The following CERT1 variants were observed in gnomAD, a reference collection of about 807,000 sequenced individuals.
CERT1 encodes the protein ceramide transfer protein.
In CERT1, 31 loss-of-function variants were observed where a neutral mutation model predicts 87.9. The observed-to-expected ratio is 0.35, with a 90% confidence interval of 0.27 to 0.48. The LOEUF (loss-of-function observed/expected upper bound fraction) is 0.48. Among genes scored for constraint, CERT1 ranks in the 20% least tolerant of loss-of-function variants. CERT1 has a pLI of 0.99. For missense variants in CERT1, 487 were observed against 758.0 expected (o/e 0.64, Z 4.20); for synonymous variants, 289 against 250.9 (o/e 1.15, Z -1.44).
intron 3 of CERT1, among the ~76,000 whole-genome samples, chr5:75,437,297 T>C (rs983582198): frequency 2.6e-5 from 4 of 152,204 alleles, no homozygotes; most frequent in African/African-American, 4.8e-5. Flanking sequence ...AACATCATCT[T>C]ACAACAAAGA....
chr5:75,379,588 CTTTTT>C lies in CERT1; in HGVS notation c.1748-120_1748-116del, dbSNP rs923151663. On this transcript the variant is annotated intron_variant, in intron 16 of 16. Coordinates refer to ENST00000643780, the MANE Select transcript of CERT1 (RefSeq NM_001379029.1). ...TTCCTCACATTGGACCAATTAGCAT[CTTTTT>C]TTTTTCTTTTTGAGACGGAGTCTTG... 4 of 865,490 alleles carry C rather than the reference CTTTTT, an allele frequency of 4.6e-6. No homozygotes were observed. The African/African-American group carries it at 5.3e-5, about 11-fold the overall frequency. 53.6% of individuals were successfully genotyped at this position (865,490 alleles called of 1,614,324 possible).
intron 2 of CERT1, among the ~76,000 whole-genome samples, chr5:75,478,777 C>T (rs1318417043): frequency 6.6e-6 from 1 of 151,504 alleles, no homozygotes; most frequent in Non-Finnish European, 1.5e-5. Flanking sequence ...AAACTCTCAC[C>T]CTCTACCCCC....
At chr5:75,386,498 T>C (rs966140140) in intron 12 of CERT1, among the ~76,000 whole-genome samples, 2 of 152,226 alleles carry the variant, frequency 1.3e-5, no homozygotes, top group Non-Finnish European at 2.9e-5. Context: ...AAAGCTAAGA[T>C]GGCAAAAACG....
intron 5 of CERT1, among the ~76,000 whole-genome samples, chr5:75,421,141 T>C (rs915510842): frequency 1.3e-5 from 2 of 152,186 alleles, no homozygotes; most frequent in Non-Finnish European, 2.9e-5. Flanking sequence ...AGGAACTCCC[T>C]TTATAAAGAA....
intron 7 of CERT1, among the ~76,000 whole-genome samples, chr5:75,411,621 G>A (rs185749101): frequency 1.3e-5 from 2 of 152,108 alleles, no homozygotes; most frequent in East Asian, 1.9e-4. Context: ...CACAACCTAC[G>A]ATTTAAATCA....
Position 75,459,102 on chromosome 5 carries a change from T to C in CERT1, c.311A>G (p.His104Arg), listed in dbSNP as rs1336983571. Reference sequence around the variant, plus strand: ...AATGGCATCTATCCATTGCTGTCTATGATCTGGATCCTGAGCACGAAGATA... The same window carrying C: ...AATGGCATCTATCCATTGCTGTCTACGATCTGGATCCTGAGCACGAAGATA... ...VWYLRAQDPD[H>R]RQQWIDAIEQ... Residue 104 changes from histidine (H) to arginine (R), a missense_variant, in exon 3 of 17, where the codon CAT (histidine) becomes CGT (arginine). His to Arg is a conservative substitution (Grantham distance 29). This residue lies in a region of CERT1 where 173 missense variants were observed against 302.2 expected (regional missense o/e 0.57). Transcript: ENST00000643780. The C allele has an allele frequency of 1.2e-6, 2 of 1,611,628 alleles. No homozygotes were observed. Among genetic ancestry groups the C allele is most frequent in the Non-Finnish European group, 1.7e-6 (2 of 1,177,878 alleles).
chr5:75,392,959 G>A (rs1353920522), intron 11 of CERT1, among the ~76,000 whole-genome samples: 4 of 85,416 alleles, frequency 4.7e-5, no homozygotes, highest in Admixed American at 4.2e-4. Context: ...GACAGAGAGA[G>A]ACTCCGTCTC....
intron 2 of CERT1, among the ~76,000 whole-genome samples, chr5:75,462,990 CAAAAAAAAAAAA>C (rs1174306526): frequency 2.6e-5 from 1 of 38,908 alleles, no homozygotes; most frequent in African/African-American, 8.4e-5. Context: ...GACTCCGTCT[CAAAAAAAAAAAA>C]AAAAAAAAAA....
At position 75,399,388 on chromosome 5, in the gene CERT1, C is replaced by T; in HGVS notation, c.1111-1G>A. The T allele has an allele frequency of 6.2e-7, 1 of 1,611,146 alleles. No homozygotes were observed. Among genetic ancestry groups the T allele is most frequent in the South Asian group, 1.1e-5 (1 of 90,998 alleles). ...ACATGGAGGAAGAGCGACTATAGGGCTACCAGAGACAGACAAAGAAAAAAC... is the reference window on the plus strand; with the variant it reads ...ACATGGAGGAAGAGCGACTATAGGGTTACCAGAGACAGACAAAGAAAAAAC... On this transcript the variant is annotated splice_acceptor_variant, in intron 10 of 16. Transcript: ENST00000643780. LOFTEE classifies it high-confidence loss of function.
chr5:75,510,361 C>T (rs1767881379), intron 1 of CERT1, among the ~76,000 whole-genome samples: 1 of 152,094 alleles, frequency 6.6e-6, no homozygotes, highest in Non-Finnish European at 1.5e-5. Context: ...GACTGCTTTG[C>T]TAAAATTTTG....
chr5:75,447,628 G>A (rs1348382688), intron 3 of CERT1, among the ~76,000 whole-genome samples: 2 of 151,466 alleles, frequency 1.3e-5, no homozygotes, highest in Admixed American at 6.6e-5. Flanking sequence ...CCACCACCAC[G>A]CCCAGCTAAT....
intron 2 of CERT1, 23 bp downstream of exon 2, chr5:75,505,959 A>C (rs1002091144): frequency 6.3e-7 from 1 of 1,599,724 alleles, no homozygotes; most frequent in Non-Finnish European, 8.6e-7. Context: ...ATATTTGTTG[A>C]ATGAAGAAGA....
chr5:75,497,157 A>C (rs1767110679), intron 2 of CERT1, among the ~76,000 whole-genome samples: 1 of 152,140 alleles, frequency 6.6e-6, no homozygotes, highest in East Asian at 1.9e-4. Context: ...TTGCATGAGA[A>C]TCTGTTCAAA....
chr5:75,424,523 G>C (rs1763521316), intron 5 of CERT1, among the ~76,000 whole-genome samples: 2 of 151,170 alleles, frequency 1.3e-5, no homozygotes, highest in African/African-American at 2.4e-5. Flanking sequence ...AGCGAGCCGA[G>C]ATCACGCGAC....
Position 75,504,585 on chromosome 5 carries a change from T to C in CERT1, c.231+1397A>G, listed in dbSNP as rs139955708. 2.1e-3 allele frequency among the ~76,000 whole-genome samples: 318 copies of C among 152,348 alleles called. 1 individual carries two copies. The East Asian group carries it at 0.027, about 13-fold the overall frequency. ...TAACGGAAATCTGAAGTATTATATATATATCTTTCACTTTTATAAGCCAAA... is the reference window on the plus strand; with the variant it reads ...TAACGGAAATCTGAAGTATTATATACATATCTTTCACTTTTATAAGCCAAA... On this transcript the variant is annotated intron_variant, in intron 2 of 16. Coordinates refer to ENST00000643780, the MANE Select transcript of CERT1 (RefSeq NM_001379029.1).
intron 2 of CERT1, among the ~76,000 whole-genome samples, chr5:75,488,561 T>C (rs1043513675): frequency 5.3e-5 from 8 of 152,144 alleles, no homozygotes; most frequent in Non-Finnish European, 7.4e-5. Flanking sequence ...AAGTTGTACA[T>C]AGCTTATTTT....
intron 12 of CERT1, among the ~76,000 whole-genome samples, chr5:75,388,362 C>T (rs973758996): frequency 2.0e-5 from 3 of 152,170 alleles, no homozygotes; most frequent in Admixed American, 6.5e-5. Context: ...AAAATCCTGA[C>T]TAAAAAGTTT....
At position 75,411,035 on chromosome 5, in the gene CERT1, G is replaced by A. The variant is rs762180484; in HGVS notation, c.906C>T (p.Ser302=). The change falls in exon 8 of 17, where the codon TCC becomes TCT. Residue 302 remains serine (S), a synonymous_variant. Coordinates refer to ENST00000643780, the MANE Select transcript of CERT1 (RefSeq NM_001379029.1). ...CTTCATAATCTGGTCCTCCAAAGTG[G>A]GATTTTTTCTTAAGTTCTGTCATTG... ...KNAMTELKKK[S]HFGGPDYEEG... is the part of the protein sequence containing the mutation. 1 of 1,586,200 alleles carries A rather than the reference G, an allele frequency of 6.3e-7. No individual in the cohort carries two copies. The highest frequency in any genetic ancestry group is 1.1e-5 in the South Asian group (1 of 87,386).
intron 7 of CERT1, among the ~76,000 whole-genome samples, chr5:75,414,536 A>C (rs1763063755): frequency 6.6e-6 from 1 of 152,162 alleles, no homozygotes; most frequent in African/African-American, 2.4e-5. Flanking sequence ...TTCAATGAAC[A>C]GGTTATCTCT....
Sources: gnomAD v4.1 joint callset for allele counts (sites outside exome capture counted in the v4.1 genomes callset) on GRCh38, gnomAD v4.1.1 for gene constraint, gnomAD v4.1.1 regional missense constraint, MANE v1.5 for transcripts, NCBI Gene and HGNC (gene_info 2026-07-23, HGNC 2026-07-21) for gene names.